The following GNB1L variants were observed in gnomAD, a reference collection of about 807,000 sequenced individuals.
The protein encoded by GNB1L is guanine nucleotide-binding protein subunit beta-like protein 1.
In GNB1L, 20 loss-of-function variants were observed where a neutral mutation model predicts 29.1. The observed-to-expected ratio is 0.69, with a 90% CI of 0.48 to 1.00. The LOEUF is 1.00. Ranked by LOEUF, GNB1L falls within the 50% of genes least tolerant of loss-of-function variation. GNB1L has a pLI of 0.00. For synonymous variants in GNB1L, 193 were observed against 206.5 expected (o/e 0.93, Z 0.56); for missense variants, 421 against 464.9 (o/e 0.91, Z 0.87).
intron 2 of GNB1L, chr22:19,847,341 CTTTA>C: frequency 1.0e-6 from 1 of 985,464 alleles, no homozygotes; most frequent in Non-Finnish European, 1.2e-6. Flanking sequence ...AGGGTAACAG[CTTTA>C]TTTGCCTTGC....
At chr22:19,846,143 G>C (rs1937954898) in intron 2 of GNB1L, 1 of 152,358 alleles carries the variant, frequency 6.6e-6, no homozygotes, top group Admixed American at 6.5e-5. Context: ...CAAACTCAGT[G>C]GCTTCGCACA....
intron 2 of GNB1L, chr22:19,849,923 C>T: frequency 2.0e-6 from 2 of 985,552 alleles, no homozygotes; most frequent in Non-Finnish European, 2.4e-6. Flanking sequence ...AGCTCAGCTT[C>T]CACTAGAAAA....
rs944900333 is a variant in GNB1L at position 19,784,972 on chromosome 22, C to G, written c.*3737G>C. The G allele has an allele frequency of 6.6e-6, 1 of 152,284 alleles. No homozygotes were observed. Among genetic ancestry groups the G allele is most frequent in the African/African-American group, 2.4e-5 (1 of 41,452 alleles). The allele number at this position is 152,284 out of a possible 1,614,324, so 9.4% of individuals were successfully genotyped here. A position where few individuals can be genotyped will look rare whatever the true frequency, so the allele number is the denominator to read the frequency against. ...TGCCCAGGGCTGGGGCTCACAGCCA[C>G]GAGAATCTGGATTTGAACAGAAAAA... On this transcript the variant is annotated 3_prime_UTR_variant, in exon 8 of 8. Transcript: ENST00000329517.
At position 19,854,859 on chromosome 22, in the gene GNB1L, C is replaced by T. The variant is rs1487509655; in HGVS notation, c.-157G>A. 1 of 152,266 alleles carries T rather than the reference C, an allele frequency of 6.6e-6. No homozygotes were observed. Among genetic ancestry groups the T allele is most frequent in the Non-Finnish European group, 1.5e-5 (1 of 68,072 alleles). 9.4% of individuals were successfully genotyped at this position (152,266 alleles called of 1,614,324 possible). A position where few individuals can be genotyped will look rare whatever the true frequency, so the allele number is the denominator to read the frequency against. ...CGGGAACGCCTGCTCCTAGGAGCGC[C>T]GCGCAGCGTCCAGAGACCGATTACA... On this transcript the variant is annotated 5_prime_UTR_variant, in exon 1 of 8. Coordinates refer to ENST00000329517, the MANE Select transcript of GNB1L (RefSeq NM_053004.3).
At chr22:19,827,272 C>A (rs574426673) in intron 2 of GNB1L, among the ~76,000 whole-genome samples, 2 of 152,170 alleles carry the variant, frequency 1.3e-5, no homozygotes, top group South Asian at 2.1e-4. Context: ...AAAAAAAATT[C>A]TCTCTTAATC....
At chr22:19,852,021 G>A (rs1569058709) in intron 2 of GNB1L, 1 of 1,614,068 alleles carries the variant, frequency 6.2e-7, no homozygotes, top group South Asian at 1.1e-5. Flanking sequence ...CCAGCTAGGG[G>A]ACCCCTTTCT....
At chr22:19,828,070 T>G (rs1022034006) in intron 2 of GNB1L, among the ~76,000 whole-genome samples, 2 of 152,172 alleles carry the variant, frequency 1.3e-5, no homozygotes, top group Admixed American at 1.3e-4. Flanking sequence ...GAGTCAAAAC[T>G]GAAGACACAG....
At chr22:19,798,852 AGAG>A (rs1458138606) in intron 7 of GNB1L, among the ~76,000 whole-genome samples, 1 of 152,228 alleles carries the variant, frequency 6.6e-6, no homozygotes. Context: ...TTCCTGAAGA[AGAG>A]GAGGACTGGT....
intron 2 of GNB1L, among the ~76,000 whole-genome samples, chr22:19,833,337 A>T (rs1937711047): frequency 6.6e-6 from 1 of 152,264 alleles, no homozygotes; most frequent in South Asian, 2.1e-4. Flanking sequence ...TATTTTTTAA[A>T]AAACCAAACA....
At chr22:19,796,896 A>G (rs1320476471) in intron 7 of GNB1L, among the ~76,000 whole-genome samples, 2 of 152,216 alleles carry the variant, frequency 1.3e-5, no homozygotes, top group Non-Finnish European at 2.9e-5. Flanking sequence ...GAAATGCTCA[A>G]GGACAAACGC....
Position 19,820,693 on chromosome 22 carries a change from G to A in GNB1L, c.159C>T (p.Ser53=). 1 of 1,613,502 alleles carries A rather than the reference G, an allele frequency of 6.2e-7. No individual in the cohort carries two copies. Among genetic ancestry groups the A allele is most frequent in the Non-Finnish European group, 8.5e-7 (1 of 1,179,768 alleles). The part of the protein sequence containing the change: ...GSQSGLVHIW[S]LQTRRAVTTL... ...TGGTAACCGCTCTCCGCGTCTGCAG[G>A]CTCCAGATGTGTACCAGGCCACTCT... Residue 53 remains serine (S), a synonymous_variant, in exon 4 of 8, where the codon AGC becomes AGT. Transcript: ENST00000329517.
intron 7 of GNB1L, among the ~76,000 whole-genome samples, 167 bp from the exon 8 acceptor site, chr22:19,789,127 G>C (rs1344151249): frequency 6.6e-6 from 1 of 152,170 alleles, no homozygotes; most frequent in African/African-American, 2.4e-5. Flanking sequence ...CTAAGGCCAC[G>C]ATGGGGGACT....
chr22:19,849,762 T>C, intron 2 of GNB1L: 1 of 985,448 alleles, frequency 1.0e-6, no homozygotes, highest in African/African-American at 1.7e-5. Flanking sequence ...TTCTTCCTAC[T>C]TTCCAGGAAG....
At chr22:19,802,618 T>C (rs867813251) in intron 6 of GNB1L, among the ~76,000 whole-genome samples, 3 of 152,224 alleles carry the variant, frequency 2.0e-5, no homozygotes, top group Admixed American at 1.3e-4. Context: ...ACTTCTCCCA[T>C]GCACAGGGAC....
At chr22:19,843,978 G>A (rs1158093322) in intron 2 of GNB1L, among the ~76,000 whole-genome samples, 2 of 152,136 alleles carry the variant, frequency 1.3e-5, no homozygotes, top group Non-Finnish European at 2.9e-5. Flanking sequence ...CTCAGGCCAG[G>A]GGCCGGCACT....
chr22:19,847,599 C>CT (rs1937990134), intron 2 of GNB1L: 1 of 982,606 alleles, frequency 1.0e-6, no homozygotes, highest in African/African-American at 1.8e-5. Context: ...CTGCTCTAAA[C>CT]CCCCATGTAG....
At chr22:19,850,000 G>T (rs750044402) in intron 2 of GNB1L, 8 of 985,582 alleles carry the variant, frequency 8.1e-6, no homozygotes, top group Non-Finnish European at 9.6e-6. Flanking sequence ...CACAGCTCTG[G>T]ACTGCTGCCT....
intron 2 of GNB1L, among the ~76,000 whole-genome samples, chr22:19,844,524 G>A (rs1937920214): frequency 6.6e-6 from 1 of 152,260 alleles, no homozygotes; most frequent in Non-Finnish European, 1.5e-5. Context: ...GAGGCTGCAA[G>A]TCAGACTTCT....
intron 2 of GNB1L, among the ~76,000 whole-genome samples, chr22:19,822,449 C>A (rs1315019950): frequency 2.6e-5 from 4 of 152,242 alleles, no homozygotes; most frequent in Non-Finnish European, 5.9e-5. Context: ...TCCACCTCAG[C>A]CCCACAGCTG....
Sources: gnomAD v4.1 joint callset for allele counts (sites outside exome capture counted in the v4.1 genomes callset) on GRCh38, gnomAD v4.1.1 for gene constraint, MANE v1.5 for transcripts, NCBI Gene and HGNC (gene_info 2026-07-23, HGNC 2026-07-21) for gene names.